The following PCDHA3 variants were observed in gnomAD, a reference collection of about 807,000 sequenced individuals.
PCDHA3 encodes protocadherin alpha 3, also known as protocadherin alpha-3.
PCDHA3 carries 41 observed loss-of-function variants against 62.2 expected under a neutral mutation model. The observed-to-expected ratio is 0.66, with a 90% confidence interval of 0.51 to 0.86. The LOEUF is 0.86. Among genes scored for constraint, PCDHA3 ranks in the 40% least tolerant of loss-of-function variants. The probability of loss-of-function intolerance (pLI) is 0.00; values close to 1 mark genes in which losing one functional copy is unlikely to be tolerated. For missense variants in PCDHA3, 1,304 were observed against 1,241.2 expected, an observed-to-expected ratio of 1.05 and a Z score of -0.76; for synonymous variants, 640 against 555.4, an observed-to-expected ratio of 1.15 and a Z score of -2.14.
At position 140,848,431 on chromosome 5, in the gene PCDHA3, A is replaced by T; in HGVS notation, c.2394+44840A>T. On this transcript the variant is annotated intron_variant, in intron 1 of 3. Transcript: ENST00000522353. ...GAACACAGCAGAATGGGACTGACGAAATCAGATGATTTCTTCTAATTTGGA... is the reference window on the plus strand; with the variant it reads ...GAACACAGCAGAATGGGACTGACGATATCAGATGATTTCTTCTAATTTGGA... 2.7e-6 allele frequency: 4 copies of T among 1,467,178 alleles called. 2 individuals are homozygous for T. The highest frequency in any genetic ancestry group is 3.7e-6 in the Non-Finnish European group (4 of 1,073,724). 90.9% of individuals were successfully genotyped at this position (1,467,178 alleles called of 1,614,324 possible). A position where few individuals can be genotyped will look rare whatever the true frequency, so the allele number is the denominator to read the frequency against.
intron 1 of PCDHA3, chr5:140,881,332 C>G (rs923599590): frequency 1.0e-6 from 1 of 984,540 alleles, no homozygotes; most frequent in East Asian, 1.1e-4. Context: ...TTAACCAGGA[C>G]GCCGATTCGG....
intron 1 of PCDHA3, among the ~76,000 whole-genome samples, chr5:140,888,737 A>G (rs1468383652): frequency 6.6e-6 from 1 of 152,036 alleles, no homozygotes; most frequent in Non-Finnish European, 1.5e-5. Flanking sequence ...TGTGAGCTCT[A>G]GGAATTATTC....
intron 1 of PCDHA3, chr5:140,877,100 C>A (rs782669477): frequency 2.5e-6 from 4 of 1,613,344 alleles, no homozygotes; most frequent in African/African-American, 1.3e-5. Context: ...GCCGGCGTGC[C>A]GCCTCTGGGC....
intron 1 of PCDHA3, among the ~76,000 whole-genome samples, chr5:140,945,046 A>G (rs2093731107): frequency 2.0e-5 from 3 of 152,190 alleles, no homozygotes; most frequent in Non-Finnish European, 2.9e-5. Flanking sequence ...TTGGTCTTAT[A>G]TAAAGAAAAC....
intron 1 of PCDHA3, chr5:140,848,303 C>T: frequency 2.9e-6 from 2 of 685,962 alleles, no homozygotes; most frequent in Non-Finnish European, 5.0e-6. Context: ...CACGTGATGT[C>T]ACTCTTTGCC....
At chr5:140,943,515 G>C (rs2093511975) in intron 1 of PCDHA3, among the ~76,000 whole-genome samples, 1 of 152,100 alleles carries the variant, frequency 6.6e-6, no homozygotes, top group African/African-American at 2.4e-5. Context: ...TGGAAATGTT[G>C]AGTTCAGTAT....
Position 140,801,785 on chromosome 5 carries a change from G to A in PCDHA3, c.588G>A (p.Leu196=). 6.2e-7 allele frequency: 1 copy of A among 1,613,314 alleles called. No homozygotes were observed. The change falls in exon 1 of 4, where the codon TTG becomes TTA. Residue 196 remains leucine (L), a synonymous_variant. Transcript: ENST00000522353. ...DEEIKSLGLV[L]KKNLNREDTP... ...AAATTAAATCCCTTGGACTCGTGTT[G>A]AAAAAAAATTTAAATCGAGAGGACA...
At chr5:140,887,135 C>T (rs2061323683) in intron 1 of PCDHA3, among the ~76,000 whole-genome samples, 1 of 150,802 alleles carries the variant, frequency 6.6e-6, no homozygotes, top group Non-Finnish European at 1.5e-5. Context: ...CTCACTCTGT[C>T]GCCCAGGCTG....
intron 1 of PCDHA3, among the ~76,000 whole-genome samples, chr5:140,886,254 CTA>C (rs1304679943): frequency 6.6e-6 from 1 of 151,720 alleles, no homozygotes; most frequent in Non-Finnish European, 1.5e-5. Flanking sequence ...AAAAGTATCT[CTA>C]TTTATAGATA....
chr5:140,847,503 C>G lies in PCDHA3; in HGVS notation c.2394+43912C>G, dbSNP rs1445726989. 5 of 149,698 alleles carry G rather than the reference C, an allele frequency of 3.3e-5. 1 individual carries two copies. Among genetic ancestry groups the G allele is most frequent in the Non-Finnish European group, 7.5e-5 (5 of 66,942 alleles). The allele number at this position is 149,698 out of a possible 1,614,324, so 9.3% of individuals were successfully genotyped here. Reference sequence around the variant, plus strand: ...TAAGATAGTAAAACTCACAACAAAACTTTGTAGAACTTAGTCAGGAAAAGA... The same window carrying G: ...TAAGATAGTAAAACTCACAACAAAAGTTTGTAGAACTTAGTCAGGAAAAGA... On this transcript the variant is annotated intron_variant, in intron 1 of 3. Transcript: ENST00000522353.
Position 141,009,850 on chromosome 5 carries a change from C to CAAGAAAAAG in PCDHA3, c.2781_2789dup (p.Lys928_Lys930dup). ...TAACCTTCGGCAAAAAGGAGGAGAC[C>CAAGAAAAAG]AAGAAAAAGAAGAAAAAGAAGAAGG... On this transcript the variant is annotated inframe_insertion, in exon 4 of 4. Coordinates refer to ENST00000522353, the MANE Select transcript of PCDHA3 (RefSeq NM_018906.3). The CAAGAAAAAG allele has an allele frequency of 1.2e-6, 2 of 1,613,572 alleles. No individual in the cohort carries two copies. Among genetic ancestry groups the CAAGAAAAAG allele is most frequent in the Non-Finnish European group, 1.7e-6 (2 of 1,179,906 alleles).
At chr5:140,957,252 A>C (rs557518275) in intron 1 of PCDHA3, among the ~76,000 whole-genome samples, 80 of 152,330 alleles carry the variant, frequency 5.3e-4, no homozygotes, top group African/African-American at 1.9e-3. Context: ...CCTAAAATTT[A>C]AATATGTAAG....
chr5:140,896,854 C>T (rs1211925701), intron 1 of PCDHA3, among the ~76,000 whole-genome samples: 4 of 152,004 alleles, frequency 2.6e-5, no homozygotes, highest in Non-Finnish European at 5.9e-5. Context: ...TTTATGGGTA[C>T]ATAATAAGTG....
chr5:141,007,277 C>T (rs2098312243), intron 3 of PCDHA3, among the ~76,000 whole-genome samples: 1 of 151,304 alleles, frequency 6.6e-6, no homozygotes, highest in Non-Finnish European at 1.5e-5. Context: ...AGGCTGGGTG[C>T]AGTGGGCTCA....
chr5:140,987,898 A>T (rs1394668777), intron 3 of PCDHA3, among the ~76,000 whole-genome samples: 1 of 152,092 alleles, frequency 6.6e-6, no homozygotes, highest in Non-Finnish European at 1.5e-5. Context: ...CCCTAGTTTT[A>T]TATGGGGATT....
chr5:140,877,028 C>T (rs367864661), intron 1 of PCDHA3: 1 of 1,612,352 alleles, frequency 6.2e-7, no homozygotes, highest in Non-Finnish European at 8.5e-7. Flanking sequence ...AAGGTGTACG[C>T]GCTGCAGCCG....
At position 140,803,034 on chromosome 5, in the gene PCDHA3, C is replaced by T. The variant is rs782709763; in HGVS notation, c.1837C>T (p.Pro613Ser). Residue 613 changes from proline to serine, a missense_variant, in exon 1 of 4, where the codon CCT (proline) becomes TCT (serine). By Grantham distance (74) the Pro-to-Ser change is moderately conservative. Transcript: ENST00000522353. ...CGCGTGGCTTTCGTATGAGCTGCAGCCTGGGACCGGCGGTGCGCGCATCCC... is the reference window on the plus strand; with the variant it reads ...CGCGTGGCTTTCGTATGAGCTGCAGTCTGGGACCGGCGGTGCGCGCATCCC... ...YNAWLSYELQPGTGGARIPFR... is the reference protein window; with the variant it reads ...YNAWLSYELQSGTGGARIPFR... 8 of 1,614,030 alleles carry T rather than the reference C, an allele frequency of 5.0e-6. No homozygotes were observed. The East Asian group carries it at 1.8e-4, about 36-fold the overall frequency.
intron 1 of PCDHA3, among the ~76,000 whole-genome samples, chr5:140,832,590 A>G (rs1369874784): frequency 6.6e-6 from 1 of 152,206 alleles, no homozygotes; most frequent in Admixed American, 6.5e-5. Flanking sequence ...GGAAGTAGAG[A>G]ACTATAGCGT....
intron 1 of PCDHA3, chr5:140,883,720 A>C: frequency 6.2e-7 from 1 of 1,613,566 alleles, no homozygotes; most frequent in Non-Finnish European, 8.5e-7. Context: ...ACGCGGACGC[A>C]CAGGAGAACG....
Sources: allele counts gnomAD v4.1 joint callset (sites outside exome capture counted in the v4.1 genomes callset), GRCh38; gene constraint gnomAD v4.1.1; transcripts MANE v1.5; gene names NCBI Gene and HGNC (gene_info 2026-07-23, HGNC 2026-07-21).